GALNT9: variants seen among roughly 807,000 people sequenced by gnomAD.
The protein encoded by GALNT9 is GalNAc transferase 9.
A neutral mutation model predicts 63.1 loss-of-function variants in GALNT9; 47 were observed. The ratio of observed to expected loss-of-function variants is 0.75; its 90% confidence interval spans 0.59 to 0.95. The LOEUF is 0.95. GALNT9 is among the 40% of genes least tolerant of loss of function. The pLI is 0.00. For missense variants in GALNT9, 829 were observed against 874.8 expected, an observed-to-expected ratio of 0.95 and a Z score of 0.66; for synonymous variants, 396 against 365.7, an observed-to-expected ratio of 1.08 and a Z score of -0.94.
Position 132,259,319 on chromosome 12 carries a change from C to G in GALNT9, c.762-1433G>C, listed in dbSNP as rs573110194. Among the ~76,000 whole-genome samples the G allele has an allele frequency of 1.2e-4, 18 of 152,204 alleles. 1 individual carries two copies. Among genetic ancestry groups the G allele is most frequent in the Admixed American group, 4.6e-4 (7 of 15,286 alleles). The stretch of plus-strand genomic sequence containing the variant: ...ACGCCCTCAGGCCTCGGGGAGCTTA[C>G]CCGGCATCAGAGGGACTAAAAGGCT... On this transcript the variant is annotated intron_variant, in intron 4 of 10. Transcript: ENST00000328957.
chr12:132,239,643 G>C (rs1878164663), intron 6 of GALNT9, among the ~76,000 whole-genome samples: 1 of 148,798 alleles, frequency 6.7e-6, no homozygotes, highest in Non-Finnish European at 1.5e-5. Context: ...GACAGAGTCA[G>C]AGACAGAGTC....
chr12:132,290,311 C>T (rs868978679), intron 1 of GALNT9, among the ~76,000 whole-genome samples: 38 of 152,282 alleles, frequency 2.5e-4, no homozygotes, highest in African/African-American at 8.7e-4. Context: ...CCTCGCCATG[C>T]AGAGCGGACC....
intron 2 of GALNT9, among the ~76,000 whole-genome samples, chr12:132,263,863 C>G (rs1435428835): frequency 6.6e-6 from 1 of 150,718 alleles, no homozygotes; most frequent in Non-Finnish European, 1.5e-5. Context: ...CTCTGGGGGA[C>G]AGTGGTGGAC....
chr12:132,203,696 G>A lies in GALNT9; in HGVS notation c.1078-6C>T. The A allele has an allele frequency of 1.2e-6, 2 of 1,610,172 alleles. No individual in the cohort carries two copies. The highest frequency in any genetic ancestry group is 2.7e-5 in the African/African-American group (2 of 74,976). On this transcript the variant is annotated splice_polypyrimidine_tract_variant and splice_region_variant and intron_variant, in intron 6 of 10. Coordinates refer to ENST00000328957, the MANE Select transcript of GALNT9 (RefSeq NM_001122636.2). ...CTGCCGCCACACTGCCACACCTGCGGGGAGACGGCGCTGGGTGCCGGCGTC... is the reference window on the plus strand; with the variant it reads ...CTGCCGCCACACTGCCACACCTGCGAGGAGACGGCGCTGGGTGCCGGCGTC...
intron 2 of GALNT9, among the ~76,000 whole-genome samples, chr12:132,272,345 G>A (rs1002779217): frequency 4.6e-5 from 7 of 152,172 alleles, no homozygotes; most frequent in Non-Finnish European, 1.0e-4. Flanking sequence ...CTCCACACAG[G>A]CCCTCCACGA....
rs1176904207 is a variant in GALNT9, at chr12:132,282,718, A to G, written c.419+3532T>C. 4 of 152,166 alleles carry G rather than the reference A, an allele frequency of 2.6e-5. No homozygotes were observed. Among genetic ancestry groups the G allele is most frequent in the Non-Finnish European group, 5.9e-5 (4 of 68,078 alleles). The allele number at this position is 152,166 out of a possible 1,614,324, so 9.4% of individuals were successfully genotyped here. On this transcript the variant is annotated intron_variant, in intron 2 of 10. Transcript: ENST00000328957. The surrounding 1 kb of genome is among the most constrained non-coding windows in gnomAD (Gnocchi z 4.5). ...GAATTCACTCTGACTGGACTGGCTT[A>G]AACCACCTGACCAGCCCTGAGCCAA...
chr12:132,268,625 A>G (rs1879745925), intron 2 of GALNT9, among the ~76,000 whole-genome samples: 1 of 152,260 alleles, frequency 6.6e-6, no homozygotes, highest in Non-Finnish European at 1.5e-5. Flanking sequence ...AGCCGACTGG[A>G]GAAAATACTT....
chr12:132,259,903 C>G (rs1489764884), intron 4 of GALNT9, among the ~76,000 whole-genome samples: 1 of 152,002 alleles, frequency 6.6e-6, no homozygotes, highest in Non-Finnish European at 1.5e-5. Flanking sequence ...AATGTCCTCC[C>G]GGGTCTTCCT....
At chr12:132,295,898 AACAGGGAGAGCCTCCG>A (rs1555243177) in intron 1 of GALNT9, among the ~76,000 whole-genome samples, 30 of 145,672 alleles carry the variant, frequency 2.1e-4, no homozygotes, top group African/African-American at 6.7e-4. Context: ...AGAGCCTCCG[AACAGGGAGAGCCTCCG>A]AACAGGGACG....
At chr12:132,235,586 G>A (rs1593074584) in intron 6 of GALNT9, among the ~76,000 whole-genome samples, 1 of 152,140 alleles carries the variant, frequency 6.6e-6, no homozygotes, top group East Asian at 1.9e-4. Context: ...TGGGGAAGGG[G>A]GAGACCCTGC....
At chr12:132,206,331 TAGTGCCAGAGAGATTA>T (rs575746904) in intron 6 of GALNT9, among the ~76,000 whole-genome samples, 68 of 152,298 alleles carry the variant, frequency 4.5e-4, no homozygotes, top group African/African-American at 1.6e-3. Context: ...TTCAAAGCTC[TAGTGCCAGAGAGATTA>T]GTTAAAGGCA....
At chr12:132,213,917 G>A (rs534345458) in intron 6 of GALNT9, among the ~76,000 whole-genome samples, 9 of 152,210 alleles carry the variant, frequency 5.9e-5, no homozygotes, top group Non-Finnish European at 1.3e-4. Flanking sequence ...GAGCAGCCCT[G>A]GAGATGCAGG....
rs563297228 is a variant in GALNT9 at position 132,203,494 on chromosome 12, G to A, written c.1263+11C>T. On this transcript the variant is annotated intron_variant, in intron 7 of 10. Transcript: ENST00000328957. ...GGCATGGCCCCGGCTCCCGGCCTGT[G>A]GGGGACTCACCGACATGGGGATGTT... The A allele has an allele frequency of 1.2e-6, 2 of 1,612,976 alleles. No homozygotes were observed. The highest frequency in any genetic ancestry group is 1.7e-5 in the Admixed American group (1 of 59,972).
In GALNT9 at chr12:132,294,848, G is replaced by T. The variant is rs73473540; in HGVS notation, c.239-8418C>A. The stretch of plus-strand genomic sequence containing the variant: ...GATTTTGCCTGTGCGGAAGGTTGCC[G>T]TGGGCGCCTCGCAGCAGGATTTCTG... On this transcript the variant is annotated intron_variant, in intron 1 of 10. Coordinates refer to ENST00000328957, the MANE Select transcript of GALNT9 (RefSeq NM_001122636.2). Among the ~76,000 whole-genome samples the T allele has an allele frequency of 3.9e-5, 6 of 152,334 alleles. No individual in the cohort carries two copies. The East Asian group carries it at 1.2e-3, about 29-fold the overall frequency.
At chr12:132,268,760 G>A (rs1322176985) in intron 2 of GALNT9, among the ~76,000 whole-genome samples, 1 of 152,230 alleles carries the variant, frequency 6.6e-6, no homozygotes, top group Non-Finnish European at 1.5e-5. Flanking sequence ...CGCCCAAGCA[G>A]CCATCAAGCA....
At chr12:132,263,017 C>T (rs888307116) in intron 2 of GALNT9, among the ~76,000 whole-genome samples, 4 of 152,262 alleles carry the variant, frequency 2.6e-5, no homozygotes, top group African/African-American at 9.6e-5. Context: ...TGAACGTCCC[C>T]GTTCCACAGA....
Position 132,319,179 on chromosome 12 carries a change from C to A in GALNT9, c.238+9787G>T, listed in dbSNP as rs1197481340. 6.6e-6 allele frequency among the ~76,000 whole-genome samples: 1 copy of A among 152,070 alleles called. No individual in the cohort carries two copies. The highest frequency in any genetic ancestry group is 1.5e-5 in the Non-Finnish European group (1 of 68,008). On this transcript the variant is annotated intron_variant, in intron 1 of 10. Transcript: ENST00000328957. This position sits in a 1 kb window ranked among gnomAD's most constrained non-coding sequence, Gnocchi z 5.2. ...CATCCATAGAGAGGGCCTTGGATGC[C>A]CAGGTGGCTGGAAGTATTGCTTCCA...
chr12:132,277,974 T>C (rs1432769386), intron 2 of GALNT9: 5 of 151,428 alleles, frequency 3.3e-5, no homozygotes, highest in Admixed American at 6.6e-5. Context: ...CCAGCAGCTC[T>C]GAGGCCCTCC....
At chr12:132,287,070 C>CG (rs1566013666) in intron 1 of GALNT9, among the ~76,000 whole-genome samples, 1 of 111,930 alleles carries the variant, frequency 8.9e-6, no homozygotes, top group Non-Finnish European at 2.2e-5. Context: ...CCCCCCCCCC[C>CG]CCCCGTGAGC....
Sources: allele counts gnomAD v4.1 joint callset (sites outside exome capture counted in the v4.1 genomes callset), GRCh38; gene constraint gnomAD v4.1.1; non-coding constraint Gnocchi (gnomAD v3.1); transcripts MANE v1.5; gene names NCBI Gene and HGNC (gene_info 2026-07-23, HGNC 2026-07-21).